TULP4: variants seen among roughly 807,000 people sequenced by gnomAD.
TULP4 encodes tubby-related protein 4.
In TULP4, 16 loss-of-function variants were observed where a neutral mutation model predicts 129.0. That is an observed-to-expected ratio of 0.12 (90% confidence interval 0.08 to 0.19). The LOEUF is 0.19. Ranked by LOEUF, TULP4 falls within the 10% of genes least tolerant of loss-of-function variation. The probability of loss-of-function intolerance (pLI) is 1.00; values close to 1 mark genes in which losing one functional copy is unlikely to be tolerated. For missense variants in TULP4, 1,842 were observed against 2,059.1 expected, an observed-to-expected ratio of 0.89 and a Z score of 2.04; for synonymous variants, 998 against 854.0, an observed-to-expected ratio of 1.17 and a Z score of -2.94.
At chr6:158,504,449 C>T (rs1780550825) in intron 13 of TULP4, among the ~76,000 whole-genome samples, 1 of 151,776 alleles carries the variant, frequency 6.6e-6, no homozygotes, top group Non-Finnish European at 1.5e-5. Context: ...TGGGTTCACG[C>T]CATTCTCCCG....
chr6:158,329,357 GACA>G (rs1234753903), intron 1 of TULP4, among the ~76,000 whole-genome samples: 1 of 151,160 alleles, frequency 6.6e-6, no homozygotes, highest in Non-Finnish European at 1.5e-5. Flanking sequence ...TAATCCCTGT[GACA>G]ACGTTTAAGG....
At chr6:158,498,598 G>A in intron 11 of TULP4, 71 bp from the exon 12 acceptor site, 14 of 1,590,650 alleles carry the variant, frequency 8.8e-6, no homozygotes, top group Non-Finnish European at 1.0e-5. Flanking sequence ...TCTTCTTCCT[G>A]TGACTCTCTT....
chr6:158,366,720 A>G (rs1206129746), intron 1 of TULP4, among the ~76,000 whole-genome samples: 2 of 152,020 alleles, frequency 1.3e-5, no homozygotes, highest in East Asian at 3.9e-4. Flanking sequence ...GCTTCCTTCC[A>G]TCCTCCCATC....
intron 1 of TULP4, among the ~76,000 whole-genome samples, chr6:158,314,756 T>G (rs1331615393): frequency 2.6e-5 from 4 of 152,226 alleles, no homozygotes; most frequent in Non-Finnish European, 5.9e-5. Flanking sequence ...ACACTTGGCT[T>G]GTATGTTTTC....
chr6:158,457,394 C>T (rs974214029), intron 5 of TULP4, among the ~76,000 whole-genome samples: 5 of 152,152 alleles, frequency 3.3e-5, no homozygotes, highest in African/African-American at 7.2e-5. Flanking sequence ...TCTGTGGGCT[C>T]AAAGGCCGGG....
chr6:158,262,105 G>A (rs990364695), intron 1 of TULP4, among the ~76,000 whole-genome samples: 1 of 152,164 alleles, frequency 6.6e-6, no homozygotes, highest in Non-Finnish European at 1.5e-5. Context: ...CTGGGTAGAG[G>A]GCTGGCAGTC....
At chr6:158,309,654 T>C (rs1007977019), upstream of TULP4, among the ~76,000 whole-genome samples, 4 of 151,952 alleles carry the variant, frequency 2.6e-5, no homozygotes, top group Non-Finnish European at 4.4e-5. Context: ...CTCGGGAGGC[T>C]GAGGCTGGCG....
At chr6:158,447,165 C>T (rs341131) in intron 3 of TULP4, among the ~76,000 whole-genome samples, 63,381 of 152,066 alleles carry the variant, frequency 0.42, 14,499 homozygotes, top group African/African-American at 0.62. Context: ...GAAAATTGCT[C>T]ACCAAGTACA....
intron 1 of TULP4, among the ~76,000 whole-genome samples, chr6:158,236,033 C>A (rs368679044): frequency 6.6e-6 from 1 of 152,112 alleles, no homozygotes; most frequent in Non-Finnish European, 1.5e-5. Context: ...CCTGAAATTG[C>A]GGCTGATGCA....
intron 1 of TULP4, among the ~76,000 whole-genome samples, chr6:158,255,626 AC>A (rs1422331636): frequency 1.3e-5 from 2 of 152,172 alleles, no homozygotes; most frequent in Non-Finnish European, 2.9e-5. Flanking sequence ...TTGTTTTGCT[AC>A]TGGTCTGAGC....
At chr6:158,342,716 G>A (rs1230694908) in intron 1 of TULP4, among the ~76,000 whole-genome samples, 1 of 152,196 alleles carries the variant, frequency 6.6e-6, no homozygotes, top group Non-Finnish European at 1.5e-5. Context: ...TTTGGACTCA[G>A]ACCTTGAATC....
intron 1 of TULP4, among the ~76,000 whole-genome samples, chr6:158,350,600 C>T (rs1780490804): frequency 6.6e-6 from 1 of 152,128 alleles, no homozygotes; most frequent in Non-Finnish European, 1.5e-5. Flanking sequence ...TGGCATGTGC[C>T]TGGAATCCCA....
At chr6:158,486,813 T>C (rs1032333592) in intron 8 of TULP4, among the ~76,000 whole-genome samples, 4 of 152,256 alleles carry the variant, frequency 2.6e-5, no homozygotes, top group African/African-American at 9.6e-5. Flanking sequence ...ATTTTAAAAA[T>C]ATATCTAATT....
intron 1 of TULP4, chr6:158,242,171 C>T: frequency 1.7e-6 from 2 of 1,177,790 alleles, no homozygotes; most frequent in Admixed American, 3.5e-5. Context: ...TGTGGGTCTT[C>T]CTCAGTCTCA....
At chr6:158,306,336 C>T (rs1779215825) in intron 1 of TULP4, among the ~76,000 whole-genome samples, 1 of 152,178 alleles carries the variant, frequency 6.6e-6, no homozygotes, top group Non-Finnish European at 1.5e-5. Context: ...AGGCAGATCA[C>T]TTGGGCCCAG....
intron 1 of TULP4, among the ~76,000 whole-genome samples, chr6:158,370,888 G>A (rs942476898): frequency 1.3e-5 from 2 of 152,180 alleles, no homozygotes; most frequent in African/African-American, 4.8e-5. Flanking sequence ...TTCTCTTCTA[G>A]AAAACAGGGC....
rs1172710735 is a variant in TULP4 at position 158,461,411 on chromosome 6, C to CAAA, written c.860-139_860-137dup. 6.9e-4 allele frequency: 379 copies of CAAA among 552,682 alleles called. 4 individuals carry two copies. In the African/African-American group the frequency reaches 9.9e-3, roughly 14 times the overall value. The allele number at this position is 552,682 out of a possible 1,614,324, so 34.2% of individuals were successfully genotyped here. A position where few individuals can be genotyped will look rare whatever the true frequency, so the allele number is the denominator to read the frequency against. The stretch of plus-strand genomic sequence containing the variant: ...GGGCAAGAGGAGTGAAACTCCGTCT[C>CAAA]AAAAAAAAAAAAAAAGGAAAAAACC... On this transcript the variant is annotated intron_variant, in intron 5 of 13. Coordinates refer to ENST00000367097, the MANE Select transcript of TULP4 (RefSeq NM_020245.5).
At chr6:158,416,905 G>A (rs571701197) in intron 2 of TULP4, among the ~76,000 whole-genome samples, 15 of 152,276 alleles carry the variant, frequency 9.9e-5, no homozygotes, top group African/African-American at 3.4e-4. Context: ...ACTTGCCATT[G>A]TATTACAGTT....
At chr6:158,341,177 A>G (rs1306393868) in intron 1 of TULP4, among the ~76,000 whole-genome samples, 1 of 152,108 alleles carries the variant, frequency 6.6e-6, no homozygotes, top group Non-Finnish European at 1.5e-5. Context: ...TATGAGTGAA[A>G]ACCACACGTC....
Sources: allele counts gnomAD v4.1 joint callset (sites outside exome capture counted in the v4.1 genomes callset), GRCh38; gene constraint gnomAD v4.1.1; transcripts MANE v1.5; gene names NCBI Gene and HGNC (gene_info 2026-07-23, HGNC 2026-07-21).